Variants in RGS12 observed in about 807,000 individuals in gnomAD.
RGS12 encodes the protein regulator of G protein signaling 12, also known as regulator of G-protein signaling 12.
RGS12 carries 66 observed loss-of-function variants against 120.1 expected under a neutral mutation model. The observed-to-expected ratio is 0.55, with a 90% confidence interval of 0.45 to 0.67. The LOEUF (loss-of-function observed/expected upper bound fraction) is 0.67. Among genes scored for constraint, RGS12 ranks in the 30% least tolerant of loss-of-function variants. The probability of loss-of-function intolerance (pLI) is 0.00; values close to 1 mark genes in which losing one functional copy is unlikely to be tolerated. For missense variants in RGS12, 1,859 were observed against 1,957.7 expected, an observed-to-expected ratio of 0.95 and a Z score of 0.95; for synonymous variants, 827 against 804.7, an observed-to-expected ratio of 1.03 and a Z score of -0.47.
intron 3 of RGS12, among the ~76,000 whole-genome samples, chr4:3,352,374 G>A (rs1230720196): frequency 1.3e-5 from 2 of 152,268 alleles, no homozygotes; most frequent in East Asian, 3.9e-4. Context: ...GCTCAGTTGA[G>A]TGCCTCATAC....
intron 17 of RGS12, among the ~76,000 whole-genome samples, chr4:3,434,793 C>T (rs1724654188): frequency 6.6e-6 from 1 of 152,244 alleles, no homozygotes; most frequent in Non-Finnish European, 1.5e-5. Flanking sequence ...ACCAGATCTG[C>T]TTCGTTTCCA....
chr4:3,439,308 G>T, intron 17 of RGS12, 147 bp from the exon 18 acceptor site: 1 of 791,212 alleles, frequency 1.3e-6, no homozygotes, highest in South Asian at 1.6e-5. Flanking sequence ...GGCCCACAGC[G>T]GGACGCCAGC....
At chr4:3,397,171 G>A (rs1475675523) in intron 4 of RGS12, among the ~76,000 whole-genome samples, 2 of 152,138 alleles carry the variant, frequency 1.3e-5, no homozygotes, top group Non-Finnish European at 2.9e-5. Flanking sequence ...GAGCAGCCTG[G>A]GACACACAAG....
intron 11 of RGS12, 110 bp from the exon 12 acceptor site, chr4:3,422,795 T>A: frequency 9.1e-7 from 1 of 1,102,992 alleles, no homozygotes; most frequent in Admixed American, 1.8e-5. Flanking sequence ...GGATGGCTGT[T>A]TTTGAAGCTG....
At chr4:3,314,867 GCCCCC>G (rs1405639663) in intron 1 of RGS12, 1 of 152,252 alleles carries the variant, frequency 6.6e-6, no homozygotes, top group Non-Finnish European at 1.5e-5. Flanking sequence ...TGCAAGGCTG[GCCCCC>G]CGCTGGTGTC....
intron 2 of RGS12, 63 bp downstream of exon 2, chr4:3,318,114 G>GTCACCTCCCC: frequency 6.9e-7 from 1 of 1,439,202 alleles, no homozygotes; most frequent in Non-Finnish European, 9.5e-7. Flanking sequence ...GTCACGGGGA[G>GTCACCTCCCC]GTGACTCCCA....
At position 3,316,760 on chromosome 4, in the gene RGS12, A is replaced by G. The variant is rs562635419; in HGVS notation, c.590A>G (p.Glu197Gly). 1 of 1,614,244 alleles carries G rather than the reference A, an allele frequency of 6.2e-7. No homozygotes were observed. The highest frequency in any genetic ancestry group is 8.5e-7 in the Non-Finnish European group (1 of 1,180,042). ...CCAAATCCCAACATGCTTTCTAAGG[A>G]GGAAATATCAAAAGTTATTCATGAT... Reference protein sequence around the residue: ...NNPNPNMLSKEEISKVIHDDS... With the variant: ...NNPNPNMLSKGEISKVIHDDS... Residue 197 changes from glutamate to glycine, a missense_variant, in exon 2 of 18, where the codon GAG becomes GGG. Glu to Gly is a moderately conservative substitution (Grantham distance 98, BLOSUM62 -2). Coordinates refer to ENST00000336727, the MANE Select transcript of RGS12 (RefSeq NM_001394154.1).
Position 3,374,308 on chromosome 4 carries a change from G to A in RGS12, c.1999-12108G>A, listed in dbSNP as rs1262060506. 6.6e-6 allele frequency among the ~76,000 whole-genome samples: 1 copy of A among 152,180 alleles called. No homozygotes were observed. Among genetic ancestry groups the A allele is most frequent in the South Asian group, 2.1e-4 (1 of 4,832 alleles). On this transcript the variant is annotated intron_variant, in intron 3 of 17. Coordinates refer to ENST00000336727, the MANE Select transcript of RGS12 (RefSeq NM_001394154.1). The surrounding 1 kb of genome is among the most constrained non-coding windows in gnomAD (Gnocchi z 6.3). ...CCTCCGGGTTCCCCTCCTCTCCTCC[G>A]ACTCCACTGGCTTTTCACCACTGTC...
rs372843812 is a variant in RGS12, at chr4:3,435,242, G to A, written c.4115-4213G>A. ...TTCTGCAGCCTGGAAGTGAGGTCAC[G>A]CCCCTCACCCTGGGGGTGAAAGTAC... On this transcript the variant is annotated intron_variant, in intron 17 of 17. Transcript: ENST00000336727. Among the ~76,000 whole-genome samples the A allele has an allele frequency of 6.6e-4, 101 of 152,230 alleles. 1 individual carries two copies. The South Asian group carries it at 9.9e-3, about 15-fold the overall frequency.
rs1489406359 is a variant in RGS12 at position 3,374,105 on chromosome 4, C to A, written c.1999-12311C>A. Reference sequence around the variant, plus strand: ...CAGCACCTTCTCCTACCATGTCCCACGCGGCTCTGTGAACGCAGGCATCCC... The same window carrying A: ...CAGCACCTTCTCCTACCATGTCCCAAGCGGCTCTGTGAACGCAGGCATCCC... On this transcript the variant is annotated intron_variant, in intron 3 of 17. Coordinates refer to ENST00000336727, the MANE Select transcript of RGS12 (RefSeq NM_001394154.1). The surrounding 1 kb of genome is among the most constrained non-coding windows in gnomAD (Gnocchi z 6.3). Among the ~76,000 whole-genome samples the A allele has an allele frequency of 6.6e-6, 1 of 152,250 alleles. No homozygotes were observed. Among genetic ancestry groups the A allele is most frequent in the Non-Finnish European group, 1.5e-5 (1 of 68,048 alleles).
chr4:3,382,030 CA>C (rs1718312903), intron 3 of RGS12, among the ~76,000 whole-genome samples: 1 of 152,160 alleles, frequency 6.6e-6, no homozygotes, highest in Non-Finnish European at 1.5e-5. Flanking sequence ...TTTTATTTGT[CA>C]AAAAATAGTC....
intron 4 of RGS12, among the ~76,000 whole-genome samples, chr4:3,400,320 C>G (rs115991319): frequency 6.2e-4 from 95 of 152,268 alleles, no homozygotes; most frequent in African/African-American, 2.1e-3. Flanking sequence ...ACAAGAAATG[C>G]AAAGATAGTT....
chr4:3,431,381 C>T (rs1209923240), intron 17 of RGS12: 71 of 1,028,492 alleles, frequency 6.9e-5, no homozygotes, highest in Non-Finnish European at 8.2e-5. Flanking sequence ...GAAGTGAAGC[C>T]CGCTGTGTTC....
At chr4:3,386,015 G>A (rs977028354) in intron 3 of RGS12, 6 of 220,730 alleles carry the variant, frequency 2.7e-5, no homozygotes, top group Middle Eastern at 1.6e-3. Flanking sequence ...GGCTGCCCCC[G>A]AGTGTGGTCC....
At chr4:3,343,108 T>C (rs1713415617) in intron 3 of RGS12, 55 bp downstream of exon 3, 2 of 1,315,204 alleles carry the variant, frequency 1.5e-6, no homozygotes, top group Non-Finnish European at 1.1e-6. Flanking sequence ...AAAATGCAAG[T>C]CCACCTTGCA....
In RGS12 at chr4:3,316,201, C is replaced by T. The variant is rs1333297324; in HGVS notation, c.31C>T (p.Pro11Ser). 4 of 1,588,324 alleles carry T rather than the reference C, an allele frequency of 2.5e-6. No homozygotes were observed. The East Asian group carries it at 6.7e-5, about 27-fold the overall frequency. ...TAGAGCTGGGGAGGCCTCCAAACGC[C>T]CATTGCCTGGGCCGTCGCCCCCAAG... is the stretch of plus-strand genomic sequence containing the variant. MFRAGEASKR[P>S]LPGPSPPRVR... Residue 11 changes from proline (P) to serine (S), a missense_variant, in exon 2 of 18, where the codon CCA (proline) becomes TCA (serine). Transcript: ENST00000336727.
At chr4:3,292,567 G>A (rs1382092475), upstream of RGS12, among the ~76,000 whole-genome samples, 1 of 152,232 alleles carries the variant, frequency 6.6e-6, no homozygotes, top group Non-Finnish European at 1.5e-5. Flanking sequence ...GACCCAACGG[G>A]AGCGGGACTT....
intron 3 of RGS12, among the ~76,000 whole-genome samples, chr4:3,378,938 C>T (rs557105255): frequency 6.6e-6 from 1 of 152,142 alleles, no homozygotes; most frequent in South Asian, 2.1e-4. Context: ...GTTGTGCTCC[C>T]ATGTTCATGG....
rs1716313104 is a variant in RGS12 at position 3,366,432 on chromosome 4, G to C, written c.1999-19984G>C. On this transcript the variant is annotated intron_variant, in intron 3 of 17. Transcript: ENST00000336727. This position sits in a 1 kb window ranked among gnomAD's most constrained non-coding sequence, Gnocchi z 4.0. ...AATCAGGGCCTGTGCTCATATCTGT[G>C]AGCTCTGCAGATGTCTCCCGGGCAC... Among the ~76,000 whole-genome samples the C allele has an allele frequency of 6.6e-6, 1 of 152,096 alleles. No homozygotes were observed. Among genetic ancestry groups the C allele is most frequent in the Non-Finnish European group, 1.5e-5 (1 of 67,998 alleles).
Sources: allele counts gnomAD v4.1 joint callset (sites outside exome capture counted in the v4.1 genomes callset), GRCh38; gene constraint gnomAD v4.1.1; non-coding constraint Gnocchi (gnomAD v3.1); transcripts MANE v1.5; gene names NCBI Gene and HGNC (gene_info 2026-07-23, HGNC 2026-07-21).